Variants in SLC25A26 observed in about 807,000 individuals in gnomAD.
SLC25A26 encodes the protein solute carrier family 25 member 26, also known as mitochondrial S-adenosylmethionine carrier protein.
In SLC25A26, 36 loss-of-function variants were observed where a neutral mutation model predicts 37.8. That is an observed-to-expected ratio of 0.95 (90% CI 0.73 to 1.26). The LOEUF (loss-of-function observed/expected upper bound fraction) is 1.26, where lower values mean the gene tolerates loss of function less well. SLC25A26 is among the 50% of genes most tolerant of loss of function. SLC25A26 has a pLI of 0.00. For synonymous variants in SLC25A26, 129 were observed against 122.5 expected (o/e 1.05, Z -0.35); for missense variants, 390 against 331.1 (o/e 1.18, Z -1.38).
chr3:66,325,008 C>T (rs1483662027), intron 5 of SLC25A26, among the ~76,000 whole-genome samples: 1 of 152,112 alleles, frequency 6.6e-6, no homozygotes, highest in East Asian at 1.9e-4. Flanking sequence ...AAATTTTGGG[C>T]TTATATACTA....
At chr3:66,209,900 A>T (rs1361448484) in intron 1 of SLC25A26, among the ~76,000 whole-genome samples, 355 of 11,894 alleles carry the variant, frequency 0.03, 1 homozygote, top group Non-Finnish European at 0.042. Flanking sequence ...CTCTCTATTT[A>T]TATATATATA....
chr3:66,274,824 A>C (rs1012658567), intron 5 of SLC25A26, among the ~76,000 whole-genome samples: 2 of 152,152 alleles, frequency 1.3e-5, no homozygotes, highest in African/African-American at 2.4e-5. Flanking sequence ...TAGTTCAACC[A>C]TTGTGGAAGT....
chr3:66,155,568 A>G (rs903346778), intron 1 of SLC25A26, among the ~76,000 whole-genome samples: 1 of 152,204 alleles, frequency 6.6e-6, no homozygotes, highest in African/African-American at 2.4e-5. Context: ...CATTCAAGTC[A>G]GCAAATATTT....
At chr3:66,236,147 A>G (rs987456802) in intron 1 of SLC25A26, among the ~76,000 whole-genome samples, 1 of 148,472 alleles carries the variant, frequency 6.7e-6, no homozygotes, top group East Asian at 2.0e-4. Flanking sequence ...CCTGGCCTCA[A>G]GTGATCCTCC....
At chr3:66,348,432 C>T (rs1372014949) in intron 6 of SLC25A26, among the ~76,000 whole-genome samples, 1 of 152,040 alleles carries the variant, frequency 6.6e-6, no homozygotes, top group Non-Finnish European at 1.5e-5. Flanking sequence ...GATAATGGTC[C>T]AAAAACTTTG....
intron 1 of SLC25A26, among the ~76,000 whole-genome samples, chr3:66,203,387 A>T: frequency 6.6e-6 from 1 of 152,130 alleles, no homozygotes; most frequent in Non-Finnish European, 1.5e-5. Flanking sequence ...GTCTCAAAAA[A>T]AGGAAAAAAA....
chr3:66,174,539 G>T (rs569749370), intron 1 of SLC25A26, among the ~76,000 whole-genome samples: 2 of 152,298 alleles, frequency 1.3e-5, no homozygotes, highest in Non-Finnish European at 2.9e-5. Context: ...CCAGCACTTC[G>T]GGAGGCCGAG....
intron 5 of SLC25A26, among the ~76,000 whole-genome samples, chr3:66,345,327 G>C (rs541872002): frequency 6.6e-6 from 1 of 152,078 alleles, no homozygotes; most frequent in Non-Finnish European, 1.5e-5. Flanking sequence ...CTGGAGACCT[G>C]TTTCTCAAGT....
chr3:66,369,554 A>G lies in SLC25A26; in HGVS notation c.633+12A>G. On this transcript the variant is annotated intron_variant, in intron 8 of 9. Coordinates refer to ENST00000354883, the MANE Select transcript of SLC25A26 (RefSeq NM_001379210.1). ...TTACGCTGGCAAAGGTAAGTGGTGAAATAATGTAATGGAGATACTTCAGAT... is the reference window on the plus strand; with the variant it reads ...TTACGCTGGCAAAGGTAAGTGGTGAGATAATGTAATGGAGATACTTCAGAT... 1.3e-6 allele frequency: 2 copies of G among 1,580,516 alleles called. No homozygotes were observed. The highest frequency in any genetic ancestry group is 1.7e-6 in the Non-Finnish European group (2 of 1,159,794).
chr3:66,258,734 C>T (rs2073403289), intron 3 of SLC25A26, among the ~76,000 whole-genome samples: 1 of 151,952 alleles, frequency 6.6e-6, no homozygotes, highest in East Asian at 1.9e-4. Context: ...ATGGTGGCAC[C>T]ACCTACTCAG....
intron 6 of SLC25A26, among the ~76,000 whole-genome samples, chr3:66,355,016 A>G (rs2076543935): frequency 6.6e-6 from 1 of 152,160 alleles, no homozygotes; most frequent in Non-Finnish European, 1.5e-5. Flanking sequence ...GTGAAAATGG[A>G]CTAATACAAC....
chr3:66,233,410 A>G (rs953896405), intron 1 of SLC25A26, among the ~76,000 whole-genome samples: 1 of 152,164 alleles, frequency 6.6e-6, no homozygotes, highest in African/African-American at 2.4e-5. Flanking sequence ...ATTTTTTTCT[A>G]GTTAGAACTT....
intron 6 of SLC25A26, among the ~76,000 whole-genome samples, chr3:66,356,848 C>T (rs1321801906): frequency 6.6e-6 from 1 of 151,994 alleles, no homozygotes; most frequent in Non-Finnish European, 1.5e-5. Flanking sequence ...AGGCTGGTCT[C>T]AAACTCCTGG....
At chr3:66,263,646 T>C (rs1020860794) in intron 5 of SLC25A26, among the ~76,000 whole-genome samples, 4 of 146,790 alleles carry the variant, frequency 2.7e-5, no homozygotes, top group African/African-American at 1.0e-4. Context: ...AAATGTCTCT[T>C]ATAGTTGAAG....
At chr3:66,201,722 G>C (rs1237929600) in intron 1 of SLC25A26, among the ~76,000 whole-genome samples, 2 of 152,148 alleles carry the variant, frequency 1.3e-5, no homozygotes, top group African/African-American at 4.8e-5. Context: ...TACTGTGCCT[G>C]CATGTTGCAT....
chr3:66,213,869 G>A (rs1255176501), intron 1 of SLC25A26, among the ~76,000 whole-genome samples: 2 of 152,108 alleles, frequency 1.3e-5, no homozygotes, highest in Non-Finnish European at 2.9e-5. Flanking sequence ...GGCAGAGGTT[G>A]CAGTGAGCTG....
At chr3:66,326,972 A>G (rs923803073) in intron 5 of SLC25A26, among the ~76,000 whole-genome samples, 2 of 152,316 alleles carry the variant, frequency 1.3e-5, no homozygotes, top group Non-Finnish European at 1.5e-5. Flanking sequence ...TTGTGGTTTC[A>G]GGTAGAGACT....
intron 3 of SLC25A26, among the ~76,000 whole-genome samples, chr3:66,258,607 A>G (rs1256462666): frequency 6.6e-6 from 1 of 152,210 alleles, no homozygotes; most frequent in African/African-American, 2.4e-5. Flanking sequence ...TAGCCACATT[A>G]AAAAAGGTGA....
intron 5 of SLC25A26, among the ~76,000 whole-genome samples, chr3:66,334,614 C>G (rs571669596): frequency 6.6e-6 from 1 of 152,280 alleles, no homozygotes; most frequent in Admixed American, 6.5e-5. Context: ...CTGCGCCGGG[C>G]CCTGAGTGGA....
Sources: allele counts gnomAD v4.1 joint callset (sites outside exome capture counted in the v4.1 genomes callset), GRCh38; gene constraint gnomAD v4.1.1; transcripts MANE v1.5; gene names NCBI Gene and HGNC (gene_info 2026-07-23, HGNC 2026-07-21).